The following DROSHA variants were observed in gnomAD, a reference collection of about 807,000 sequenced individuals.
DROSHA encodes the protein drosha ribonuclease III.
Under a neutral mutation model 181.9 loss-of-function variants are expected in DROSHA, and 56 were observed. The observed-to-expected ratio is 0.31, with a 90% CI of 0.25 to 0.38. The LOEUF (loss-of-function observed/expected upper bound fraction) is 0.38, where lower values mean the gene tolerates loss of function less well. Ranked by LOEUF, DROSHA falls within the 10% of genes least tolerant of loss-of-function variation. DROSHA has a pLI of 1.00. For synonymous variants in DROSHA, 524 were observed against 591.2 expected (o/e 0.89, Z 1.65); for missense variants, 1,218 against 1,743.5 (o/e 0.70, Z 5.37).
chr5:31,482,945 C>G lies in DROSHA; in HGVS notation c.2071+609G>C, dbSNP rs575942021. 2.0e-5 allele frequency among the ~76,000 whole-genome samples: 3 copies of G among 151,988 alleles called. No homozygotes were observed. In the East Asian group the frequency reaches 5.8e-4, roughly 29 times the overall value. ...TAGCTGAGACTATAGGTACATGTCA[C>G]TAAACTGACTCCAAGCATTTTTAAA... is the stretch of plus-strand genomic sequence containing the variant. On this transcript the variant is annotated intron_variant, in intron 16 of 35. Transcript: ENST00000344624.
At chr5:31,510,553 A>G (rs1027905802) in intron 9 of DROSHA, among the ~76,000 whole-genome samples, 6 of 152,234 alleles carry the variant, frequency 3.9e-5, no homozygotes, top group Non-Finnish European at 8.8e-5. Context: ...CCTACTTGGA[A>G]CCTCAGAACA....
chr5:31,442,941 A>G (rs1745777784), intron 23 of DROSHA, among the ~76,000 whole-genome samples: 1 of 152,030 alleles, frequency 6.6e-6, no homozygotes, highest in African/African-American at 2.4e-5. Flanking sequence ...TATTTAATAT[A>G]TATTATTGTG....
chr5:31,413,434 A>G (rs1210331443), intron 30 of DROSHA, among the ~76,000 whole-genome samples: 1 of 152,240 alleles, frequency 6.6e-6, no homozygotes, highest in Non-Finnish European at 1.5e-5. Flanking sequence ...TCTCTAAATG[A>G]CAACTTTCAT....
chr5:31,451,183 C>T (rs1446355517), intron 21 of DROSHA, among the ~76,000 whole-genome samples: 1 of 151,592 alleles, frequency 6.6e-6, no homozygotes, highest in African/African-American at 2.4e-5. Context: ...GCCTGGGAAA[C>T]AAGAGCGAAA....
intron 35 of DROSHA, among the ~76,000 whole-genome samples, chr5:31,404,078 T>A (rs1051892964): frequency 1.4e-5 from 2 of 145,386 alleles, no homozygotes; most frequent in South Asian, 2.2e-4. Context: ...CCACCAAGCC[T>A]GGCTAATTTT....
At chr5:31,435,918 G>A in intron 24 of DROSHA, 54 bp from the exon 25 acceptor site, 1 of 1,537,820 alleles carries the variant, frequency 6.5e-7, no homozygotes, top group Non-Finnish European at 8.9e-7. Flanking sequence ...CATTCTGTCT[G>A]TGGCTCTGAG....
At position 31,494,841 on chromosome 5, in the gene DROSHA, A is replaced by AT. The variant is rs1561251335; in HGVS notation, c.1755+444dup. Among the ~76,000 whole-genome samples, 13 of 151,616 alleles carry AT rather than the reference A, an allele frequency of 8.6e-5. No individual in the cohort carries two copies. In the South Asian group the frequency reaches 2.7e-3, roughly 32 times the overall value. On this transcript the variant is annotated intron_variant, in intron 12 of 35. Coordinates refer to ENST00000344624, the MANE Select transcript of DROSHA (RefSeq NM_001382508.1). ...AGGTGCCCGCCACCATGCCCGGCTA[A>AT]TTTTTTGTATTTTTAGTAGAGATGG... is the stretch of plus-strand genomic sequence containing the variant.
intron 20 of DROSHA, among the ~76,000 whole-genome samples, chr5:31,458,012 C>A (rs1000355661): frequency 6.6e-6 from 1 of 152,142 alleles, no homozygotes; most frequent in African/African-American, 2.4e-5. Context: ...TGTAAATCCC[C>A]AGTGAGATAC....
rs1273182908 is a variant in DROSHA at position 31,448,530 on chromosome 5, T to A, written c.2882+17A>T. ...AATTATATATCAATCAGGTTGTTTATTAAAAATCAACTTTACCTCGAGGGA... is the reference window on the plus strand; with the variant it reads ...AATTATATATCAATCAGGTTGTTTAATAAAAATCAACTTTACCTCGAGGGA... On this transcript the variant is annotated intron_variant, in intron 23 of 35. Coordinates refer to ENST00000344624, the MANE Select transcript of DROSHA (RefSeq NM_001382508.1). 1 of 1,606,788 alleles carries A rather than the reference T, an allele frequency of 6.2e-7. No homozygotes were observed. Among genetic ancestry groups the A allele is most frequent in the African/African-American group, 1.3e-5 (1 of 74,760 alleles).
intron 20 of DROSHA, among the ~76,000 whole-genome samples, chr5:31,452,554 GA>G (rs138299364): frequency 0.027 from 4,090 of 152,172 alleles, 180 homozygotes; most frequent in African/African-American, 0.094. Flanking sequence ...TTATTCATCA[GA>G]ACCTGGAGGA....
At chr5:31,521,017 G>T in intron 6 of DROSHA, 106 bp downstream of exon 6, 1 of 1,078,688 alleles carries the variant, frequency 9.3e-7, no homozygotes, top group South Asian at 1.5e-5. Flanking sequence ...ATCTTGGACA[G>T]ACTCTGAGGC....
chr5:31,486,022 T>A (rs894122537), intron 14 of DROSHA, among the ~76,000 whole-genome samples: 5 of 152,308 alleles, frequency 3.3e-5, no homozygotes, highest in African/African-American at 1.2e-4. Flanking sequence ...TTGCATATAT[T>A]GAGATAAATC....
At chr5:31,435,696 C>T in intron 25 of DROSHA, 69 bp downstream of exon 25, 1 of 1,427,506 alleles carries the variant, frequency 7.0e-7, no homozygotes, top group Non-Finnish European at 9.7e-7. Context: ...TATTCAAATG[C>T]AAAATTATGC....
At position 31,424,362 on chromosome 5, in the gene DROSHA, C is replaced by A. The variant is rs781514950; in HGVS notation, c.3261+65G>T. ...ATAAAAGTGGGGAAGGAAAAAAAGG[C>A]AAAGGAAAGTAACATGAATAGCTGG... On this transcript the variant is annotated intron_variant, in intron 28 of 35. Transcript: ENST00000344624. 199 of 1,544,826 alleles carry A rather than the reference C, an allele frequency of 1.3e-4. 1 individual carries two copies. The highest frequency in any genetic ancestry group is 1.7e-4 in the Non-Finnish European group (197 of 1,140,234).
Position 31,482,269 on chromosome 5 carries a change from A to G in DROSHA, c.2071+1285T>C, listed in dbSNP as rs191217136. 1.8e-4 allele frequency among the ~76,000 whole-genome samples: 28 copies of G among 152,300 alleles called. No homozygotes were observed. The East Asian group carries it at 5.2e-3, about 28-fold the overall frequency. On this transcript the variant is annotated intron_variant, in intron 16 of 35. Transcript: ENST00000344624. Reference sequence around the variant, plus strand: ...CTGAGTGGCCCATATATAGAAGAAAAGGCAAGCAGTTGGATTGATGACATT... The same window carrying G: ...CTGAGTGGCCCATATATAGAAGAAAGGGCAAGCAGTTGGATTGATGACATT...
intron 10 of DROSHA, among the ~76,000 whole-genome samples, chr5:31,505,192 T>C (rs190304648): frequency 9.2e-5 from 14 of 152,308 alleles, no homozygotes; most frequent in African/African-American, 3.1e-4. Flanking sequence ...CAAGGCTCCA[T>C]AGGCAAGCAA....
At chr5:31,420,724 C>T (rs1742559414) in intron 30 of DROSHA, among the ~76,000 whole-genome samples, 1 of 120,726 alleles carries the variant, frequency 8.3e-6, no homozygotes. Context: ...TAAATCCTAA[C>T]TATCTTTAAA....
At position 31,526,072 on chromosome 5, in the gene DROSHA, G is replaced by T. The variant is rs778450641; in HGVS notation, c.854+7C>A. ...GTTCATTAAAGAACTACACACAAGCGGTTTACCTGCTCCGTTCGTAGCTGC... is the reference window on the plus strand; with the variant it reads ...GTTCATTAAAGAACTACACACAAGCTGTTTACCTGCTCCGTTCGTAGCTGC... On this transcript the variant is annotated splice_region_variant and intron_variant, in intron 5 of 35. Coordinates refer to ENST00000344624, the MANE Select transcript of DROSHA (RefSeq NM_001382508.1). 6.4e-7 allele frequency: 1 copy of T among 1,572,318 alleles called. No individual in the cohort carries two copies. The highest frequency in any genetic ancestry group is 8.7e-7 in the Non-Finnish European group (1 of 1,153,524).
chr5:31,414,040 C>A (rs1282845228), intron 30 of DROSHA, among the ~76,000 whole-genome samples: 1 of 152,072 alleles, frequency 6.6e-6, no homozygotes, highest in East Asian at 1.9e-4. Flanking sequence ...ATGGCAAATG[C>A]AAGGGGCCAT....
Sources: gnomAD v4.1 joint callset for allele counts (sites outside exome capture counted in the v4.1 genomes callset) on GRCh38, gnomAD v4.1.1 for gene constraint, MANE v1.5 for transcripts, NCBI Gene and HGNC (gene_info 2026-07-23, HGNC 2026-07-21) for gene names.